LRRC4C: variants seen among roughly 807,000 people sequenced by gnomAD.
LRRC4C encodes the protein leucine rich repeat containing 4C.
Under a neutral mutation model 33.6 loss-of-function variants are expected in LRRC4C, and 5 were observed. That is an observed-to-expected ratio of 0.15 (90% CI 0.08 to 0.31). LRRC4C has a LOEUF of 0.31. Among genes scored for constraint, LRRC4C ranks in the 10% least tolerant of loss-of-function variants. The probability of loss-of-function intolerance (pLI) is 1.00; values close to 1 mark genes in which losing one functional copy is unlikely to be tolerated. For missense variants in LRRC4C, 560 were observed against 796.7 expected, an observed-to-expected ratio of 0.70 and a Z score of 3.58; for synonymous variants, 329 against 302.0, an observed-to-expected ratio of 1.09 and a Z score of -0.93.
chr11:40,987,640 T>TG (rs1395787124), intron 1 of LRRC4C, among the ~76,000 whole-genome samples: 1 of 70,048 alleles, frequency 1.4e-5, no homozygotes, highest in Non-Finnish European at 2.8e-5. Flanking sequence ...GATATATATA[T>TG]ATATATATAT....
Position 40,836,249 on chromosome 11 carries a change from A to G in LRRC4C, c.-407+97386T>C, listed in dbSNP as rs888477445. 2.6e-5 allele frequency among the ~76,000 whole-genome samples: 4 copies of G among 152,274 alleles called. No individual in the cohort carries two copies. In the East Asian group the frequency reaches 7.8e-4, roughly 30 times the overall value. ...GGAAGGTGTAAGAACCTATGCCATCATACCTTCACTACCTGAGAAAGGATT... is the reference window on the plus strand; with the variant it reads ...GGAAGGTGTAAGAACCTATGCCATCGTACCTTCACTACCTGAGAAAGGATT... On this transcript the variant is annotated intron_variant, in intron 2 of 6. Transcript: ENST00000528697.
chr11:40,793,335 T>C (rs940402520), intron 2 of LRRC4C, among the ~76,000 whole-genome samples: 11 of 152,182 alleles, frequency 7.2e-5, no homozygotes, highest in African/African-American at 2.2e-4. Context: ...GCTTTGTTAA[T>C]GTCTGCCAAT....
At chr11:40,808,402 A>C (rs1951342306) in intron 2 of LRRC4C, among the ~76,000 whole-genome samples, 1 of 152,152 alleles carries the variant, frequency 6.6e-6, no homozygotes, top group South Asian at 2.1e-4. Flanking sequence ...TCCTATACCT[A>C]TTACTCAAGT....
At chr11:41,109,050 G>A (rs1295126372) in intron 1 of LRRC4C, among the ~76,000 whole-genome samples, 1 of 151,926 alleles carries the variant, frequency 6.6e-6, no homozygotes, top group Non-Finnish European at 1.5e-5. Flanking sequence ...ATAGATAATT[G>A]TATTAGTTTC....
intron 1 of LRRC4C, among the ~76,000 whole-genome samples, chr11:41,437,397 ACGCACACACACAAACGCGCGCGCGCG>A (rs1172166570): frequency 6.9e-6 from 1 of 144,406 alleles, no homozygotes; most frequent in Non-Finnish European, 1.5e-5. Flanking sequence ...TAAGACACAC[ACGCACACACACAAACGCGCGCGCGCG>A]CGCACACACA....
At chr11:41,434,727 C>T (rs1565670411) in intron 1 of LRRC4C, among the ~76,000 whole-genome samples, 1 of 152,122 alleles carries the variant, frequency 6.6e-6, no homozygotes, top group Admixed American at 6.5e-5. Flanking sequence ...GCAAGACTTC[C>T]TGCTTGGGAA....
At chr11:40,439,143 T>A (rs1951277757) in intron 3 of LRRC4C, among the ~76,000 whole-genome samples, 1 of 150,972 alleles carries the variant, frequency 6.6e-6, no homozygotes, top group Non-Finnish European at 1.5e-5. Flanking sequence ...GGTTTCACCA[T>A]GTTACCCAGG....
chr11:40,155,871 T>C (rs1554959975), intron 5 of LRRC4C, among the ~76,000 whole-genome samples: 1 of 152,068 alleles, frequency 6.6e-6, no homozygotes, highest in Admixed American at 6.6e-5. Flanking sequence ...ATCACCCTAA[T>C]ACCAAAACCA....
chr11:40,517,469 G>A (rs895227663), intron 3 of LRRC4C, among the ~76,000 whole-genome samples: 1 of 152,136 alleles, frequency 6.6e-6, no homozygotes, highest in Non-Finnish European at 1.5e-5. Flanking sequence ...TTACACATCT[G>A]CAAAGGCAGA....
intron 3 of LRRC4C, among the ~76,000 whole-genome samples, chr11:40,412,736 C>G (rs557653303): frequency 6.6e-6 from 1 of 152,150 alleles, no homozygotes; most frequent in Non-Finnish European, 1.5e-5. Context: ...TATGAAGGCT[C>G]AAATTCTGCC....
intron 1 of LRRC4C, among the ~76,000 whole-genome samples, chr11:41,458,138 T>A (rs910518993): frequency 1.3e-5 from 2 of 152,176 alleles, no homozygotes. Context: ...CTTCTTTCTA[T>A]ACATAGACAT....
intron 3 of LRRC4C, among the ~76,000 whole-genome samples, chr11:40,486,010 G>A (rs1004786163): frequency 7.2e-5 from 11 of 151,976 alleles, no homozygotes; most frequent in African/African-American, 2.4e-4. Context: ...AAGGGTGAAA[G>A]GAGAGTGAGG....
At chr11:40,891,915 C>T (rs1377582452) in intron 2 of LRRC4C, among the ~76,000 whole-genome samples, 1 of 151,862 alleles carries the variant, frequency 6.6e-6, no homozygotes. Flanking sequence ...GTGGGTGTAT[C>T]ACGAGTTCAG....
At chr11:40,550,376 A>T (rs576759003) in intron 3 of LRRC4C, among the ~76,000 whole-genome samples, 1 of 152,238 alleles carries the variant, frequency 6.6e-6, no homozygotes, top group Admixed American at 6.5e-5. Flanking sequence ...GGATGCAGAG[A>T]TCAACTCTGA....
chr11:41,403,002 T>C (rs972254193), intron 1 of LRRC4C, among the ~76,000 whole-genome samples: 1 of 152,088 alleles, frequency 6.6e-6, no homozygotes, highest in Non-Finnish European at 1.5e-5. Flanking sequence ...TAAAAATGTC[T>C]TTTGCCCCTT....
At chr11:41,421,806 T>C (rs1954881182) in intron 1 of LRRC4C, among the ~76,000 whole-genome samples, 1 of 151,998 alleles carries the variant, frequency 6.6e-6, no homozygotes, top group African/African-American at 2.4e-5. Context: ...ATCAGCATCA[T>C]TGTCGATCCG....
chr11:40,826,749 A>G (rs1480193256), intron 2 of LRRC4C, among the ~76,000 whole-genome samples: 1 of 151,908 alleles, frequency 6.6e-6, no homozygotes, highest in Non-Finnish European at 1.5e-5. Context: ...TTTTTCCATA[A>G]TTTTCTCAGA....
At position 40,508,549 on chromosome 11, in the gene LRRC4C, A is replaced by G. The variant is rs529769476; in HGVS notation, c.-270+139593T>C. ...CATGTACTCACCAGGCCAGAATGAAATAATAGCTTCTCATCTTTATCCAAA... is the reference window on the plus strand; with the variant it reads ...CATGTACTCACCAGGCCAGAATGAAGTAATAGCTTCTCATCTTTATCCAAA... On this transcript the variant is annotated intron_variant, in intron 3 of 6. Coordinates refer to ENST00000528697, the MANE Select transcript of LRRC4C (RefSeq NM_001258419.2). 3.1e-4 allele frequency among the ~76,000 whole-genome samples: 47 copies of G among 152,310 alleles called. 1 individual carries two copies. Among genetic ancestry groups the G allele is most frequent in the African/African-American group, 1.1e-3 (46 of 41,570 alleles).
At chr11:40,678,829 A>G (rs894928796) in intron 2 of LRRC4C, among the ~76,000 whole-genome samples, 3 of 152,158 alleles carry the variant, frequency 2.0e-5, no homozygotes, top group Non-Finnish European at 4.4e-5. Context: ...TATTAGCAGC[A>G]TGAGAACGGG....
Sources: allele counts gnomAD v4.1 joint callset (sites outside exome capture counted in the v4.1 genomes callset), GRCh38; gene constraint gnomAD v4.1.1; transcripts MANE v1.5; gene names NCBI Gene and HGNC (gene_info 2026-07-23, HGNC 2026-07-21).